Variants in BAIAP2 observed in about 807,000 individuals in gnomAD.
BAIAP2 encodes BAR/IMD domain containing adaptor protein 2, also known as BAR/IMD domain-containing adapter protein 2.
Under a neutral mutation model 63.0 loss-of-function variants are expected in BAIAP2, and 18 were observed. That is an observed-to-expected ratio of 0.29 (90% CI 0.20 to 0.42). BAIAP2 has a LOEUF of 0.42. Ranked by LOEUF, BAIAP2 falls within the 10% of genes least tolerant of loss-of-function variation. The pLI, the probability that BAIAP2 is intolerant of heterozygous loss-of-function variation, is 1.00. For synonymous variants in BAIAP2, 386 were observed against 307.6 expected, an observed-to-expected ratio of 1.25 and a Z score of -2.67; for missense variants, 610 against 734.3, an observed-to-expected ratio of 0.83 and a Z score of 1.96.
chr17:81,068,156 C>A (rs2051855955), intron 3 of BAIAP2, among the ~76,000 whole-genome samples: 1 of 152,242 alleles, frequency 6.6e-6, no homozygotes, highest in Admixed American at 6.5e-5. Context: ...CTGGTCGCAG[C>A]CACGCAGGGA....
At position 81,116,397 on chromosome 17, in the gene BAIAP2, C is replaced by T; in HGVS notation, c.*558C>T. On this transcript the variant is annotated 3_prime_UTR_variant, in exon 14 of 14. Transcript: ENST00000428708. The stretch of plus-strand genomic sequence containing the variant: ...TCCCCATGCCCCTCGGTGGGGCTCT[C>T]CTGGGCCCCTCACTCCCACTGGCAA... 3 of 1,499,774 alleles carry T rather than the reference C, an allele frequency of 2.0e-6. No individual in the cohort carries two copies. The highest frequency in any genetic ancestry group is 1.2e-5 in the South Asian group (1 of 84,160). The allele number at this position is 1,499,774 out of a possible 1,614,324, so 92.9% of individuals were successfully genotyped here. A position where few individuals can be genotyped will look rare whatever the true frequency, so the allele number is the denominator to read the frequency against.
intron 3 of BAIAP2, among the ~76,000 whole-genome samples, chr17:81,058,907 G>A (rs918673505): frequency 1.2e-4 from 18 of 152,158 alleles, no homozygotes; most frequent in Non-Finnish European, 2.2e-4. Flanking sequence ...TGGCTGAGTC[G>A]GCAGGCGGTG....
At chr17:81,085,041 G>T in intron 4 of BAIAP2, 148 bp downstream of exon 4, 3 of 797,354 alleles carry the variant, frequency 3.8e-6, no homozygotes, top group Non-Finnish European at 6.2e-6. Flanking sequence ...CAGCACACAA[G>T]CCACACTCGA....
Position 81,057,969 on chromosome 17 carries a change from T to C in BAIAP2, c.217+2T>C. On this transcript the variant is annotated splice_donor_variant, in intron 3 of 13. Coordinates refer to ENST00000428708, the MANE Select transcript of BAIAP2 (RefSeq NM_001144888.2). LOFTEE classifies it high-confidence loss of function. ...AGAGCCAGGGCTCCAAAGAACTCGGTGAGACCCCCCCCCCCCCCCCGCCTG... is the reference window on the plus strand; with the variant it reads ...AGAGCCAGGGCTCCAAAGAACTCGGCGAGACCCCCCCCCCCCCCCCGCCTG... 1.0e-6 allele frequency: 1 copy of C among 964,860 alleles called. No homozygotes were observed. The highest frequency in any genetic ancestry group is 1.4e-6 in the Non-Finnish European group (1 of 713,584). 59.8% of individuals were successfully genotyped at this position (964,860 alleles called of 1,614,324 possible). A position where few individuals can be genotyped will look rare whatever the true frequency, so the allele number is the denominator to read the frequency against.
At chr17:81,057,576 C>A in intron 2 of BAIAP2, 4 of 1,060,752 alleles carry the variant, frequency 3.8e-6, no homozygotes, top group Non-Finnish European at 4.6e-6. Flanking sequence ...TCCCTCCCCC[C>A]GGCCCTGCCT....
At chr17:81,114,660 T>A (rs1337858618) in intron 13 of BAIAP2, among the ~76,000 whole-genome samples, 1 of 152,224 alleles carries the variant, frequency 6.6e-6, no homozygotes, top group Non-Finnish European at 1.5e-5. Context: ...CTGTAGTGTT[T>A]CAAGTTCTTA....
intron 13 of BAIAP2, chr17:81,110,650 GC>G: frequency 2.2e-6 from 3 of 1,352,000 alleles, no homozygotes; most frequent in Non-Finnish European, 2.9e-6. Flanking sequence ...CACGGTGCTG[GC>G]CCCAGTGACA....
At chr17:81,036,312 A>G (rs1350775324) in intron 1 of BAIAP2, among the ~76,000 whole-genome samples, 1 of 152,194 alleles carries the variant, frequency 6.6e-6, no homozygotes, top group East Asian at 1.9e-4. Context: ...AACTGTCTGC[A>G]GGTTCAGTGA....
At chr17:81,045,967 G>C (rs924085742) in intron 1 of BAIAP2, among the ~76,000 whole-genome samples, 7 of 152,300 alleles carry the variant, frequency 4.6e-5, no homozygotes, top group Middle Eastern at 3.4e-3. Context: ...GACACCCAGA[G>C]CCCTCTGCGG....
Position 81,099,771 on chromosome 17 carries a change from G to A in BAIAP2, c.490-157G>A, listed in dbSNP as rs546691210. Reference sequence around the variant, plus strand: ...GGGGTAGCTGAAGCCTCCTGGGGGCGTGGTTGTCTCCTGAGTGGCCGCAGA... The same window carrying A: ...GGGGTAGCTGAAGCCTCCTGGGGGCATGGTTGTCTCCTGAGTGGCCGCAGA... On this transcript the variant is annotated intron_variant, in intron 6 of 13. Coordinates refer to ENST00000428708, the MANE Select transcript of BAIAP2 (RefSeq NM_001144888.2). Among the ~76,000 whole-genome samples, 7 of 152,280 alleles carry A rather than the reference G, an allele frequency of 4.6e-5. No homozygotes were observed. In the East Asian group the frequency reaches 9.7e-4, roughly 21 times the overall value.
intron 3 of BAIAP2, among the ~76,000 whole-genome samples, chr17:81,074,479 C>G (rs1481422311): frequency 6.7e-6 from 1 of 149,410 alleles, no homozygotes; most frequent in Non-Finnish European, 1.5e-5. Flanking sequence ...TGCACGGATA[C>G]ATGTGAATGC....
chr17:81,050,736 TGCACAC>T (rs1338935085), intron 1 of BAIAP2, among the ~76,000 whole-genome samples: 6 of 137,834 alleles, frequency 4.4e-5, no homozygotes, highest in African/African-American at 1.3e-4. Context: ...AATGTGCACA[TGCACAC>T]GTGGACACAC....
chr17:81,081,222 G>T (rs911756272), intron 3 of BAIAP2, among the ~76,000 whole-genome samples: 1 of 152,218 alleles, frequency 6.6e-6, no homozygotes, highest in Admixed American at 6.5e-5. Flanking sequence ...CCCAGAGGTC[G>T]TGGTGTCCAT....
intron 1 of BAIAP2, among the ~76,000 whole-genome samples, chr17:81,042,213 C>T (rs1328391097): frequency 1.3e-5 from 2 of 150,790 alleles, no homozygotes; most frequent in Non-Finnish European, 2.9e-5. Context: ...GTGATCTCAC[C>T]TCAACTGCAG....
At chr17:81,068,247 C>T (rs907580549) in intron 3 of BAIAP2, among the ~76,000 whole-genome samples, 3 of 152,194 alleles carry the variant, frequency 2.0e-5, no homozygotes, top group Non-Finnish European at 4.4e-5. Flanking sequence ...GGCTGAGAAA[C>T]TCTCTCCCAG....
chr17:81,045,701 A>G (rs7503618), intron 1 of BAIAP2, among the ~76,000 whole-genome samples: 140,733 of 152,268 alleles, frequency 0.92, 65,088 homozygotes, highest in African/African-American at 0.96. Flanking sequence ...CAGGCTGCCC[A>G]GGGCCCTGCA....
chr17:81,058,025 G>A (rs9898347), intron 3 of BAIAP2, 58 bp downstream of exon 3: 474,050 of 1,322,382 alleles, frequency 0.36, 98,772 homozygotes, highest in East Asian at 0.4. Context: ...GGCAGCTCTG[G>A]GGCCCTGTCC....
At chr17:81,111,250 C>G (rs921982999) in intron 13 of BAIAP2, among the ~76,000 whole-genome samples, 4 of 152,266 alleles carry the variant, frequency 2.6e-5, no homozygotes, top group Non-Finnish European at 4.4e-5. Flanking sequence ...GTGGTCCTCT[C>G]CTGCCCTGCT....
At chr17:81,045,512 C>T (rs914434659) in intron 1 of BAIAP2, among the ~76,000 whole-genome samples, 10 of 150,620 alleles carry the variant, frequency 6.6e-5, no homozygotes, top group African/African-American at 2.4e-4. Flanking sequence ...ACCTCGGGCC[C>T]CTCCTGGCGG....
Sources: gnomAD v4.1 joint callset for allele counts (sites outside exome capture counted in the v4.1 genomes callset) on GRCh38, gnomAD v4.1.1 for gene constraint, MANE v1.5 for transcripts, NCBI Gene and HGNC (gene_info 2026-07-23, HGNC 2026-07-21) for gene names.